TTLL5: variants seen among roughly 807,000 people sequenced by gnomAD.
TTLL5 encodes tubulin polyglutamylase TTLL5.
TTLL5 carries 132 observed loss-of-function variants against 168.4 expected under a neutral mutation model. The observed-to-expected ratio is 0.78, with a 90% confidence interval of 0.68 to 0.91. The LOEUF is 0.91. Ranked by LOEUF, TTLL5 falls within the 40% of genes least tolerant of loss-of-function variation. The pLI, the probability that TTLL5 is intolerant of heterozygous loss-of-function variation, is 0.00. For missense variants in TTLL5, 1,545 were observed against 1,581.5 expected (o/e 0.98, Z 0.39); for synonymous variants, 546 against 558.6 (o/e 0.98, Z 0.32).
At chr14:75,686,288 T>C (rs1236030224) in intron 5 of TTLL5, among the ~76,000 whole-genome samples, 3 of 152,216 alleles carry the variant, frequency 2.0e-5, no homozygotes, top group Non-Finnish European at 4.4e-5. Flanking sequence ...ATTATTACCC[T>C]GGTTTTAAGG....
At chr14:75,815,807 T>A (rs1894358232) in intron 27 of TTLL5, among the ~76,000 whole-genome samples, 1 of 152,232 alleles carries the variant, frequency 6.6e-6, no homozygotes, top group East Asian at 1.9e-4. Context: ...TTATGTGACT[T>A]TGAGCAAATT....
intron 29 of TTLL5, among the ~76,000 whole-genome samples, chr14:75,882,030 T>C (rs957519771): frequency 6.6e-6 from 1 of 152,216 alleles, no homozygotes; most frequent in Non-Finnish European, 1.5e-5. Context: ...CTAGCATTTG[T>C]ATAGTAATTT....
rs1170305101 is a variant in TTLL5, at chr14:75,697,142, A to G, written c.503-2046A>G. Among the ~76,000 whole-genome samples, 3 of 152,338 alleles carry G rather than the reference A, an allele frequency of 2.0e-5. No individual in the cohort carries two copies. The South Asian group carries it at 6.2e-4, about 32-fold the overall frequency. On this transcript the variant is annotated intron_variant, in intron 6 of 31. Coordinates refer to ENST00000298832, the MANE Select transcript of TTLL5 (RefSeq NM_015072.5). ...TAAACAGCCACACCCCTTTGCTTAC[A>G]TATTGTTTATGGCTACTTTCAAGCT...
rs757176297 is a variant in TTLL5, at chr14:75,681,594, A to G, written c.231A>G (p.Val77=). The G allele has an allele frequency of 1.2e-6, 2 of 1,613,614 alleles. No individual in the cohort carries two copies. Among genetic ancestry groups the G allele is most frequent in the South Asian group, 2.2e-5 (2 of 91,080 alleles). The stretch of plus-strand genomic sequence containing the variant: ...TTGTACGAACGGACAGTCGCCTAGT[A>G]CGCAGCATTCTGACAGCCCATGGAT... ...YKIVRTDSRL[V]RSILTAHGFH... Residue 77 remains valine (V), a synonymous_variant, in exon 4 of 32, where the codon GTA becomes GTG. Transcript: ENST00000298832.
Position 75,786,987 on chromosome 14 carries a change from G to T in TTLL5, c.2986+3457G>T, listed in dbSNP as rs148465133. ...ATCTCTACTGAAAATACAAAAATTA[G>T]CCAGGCATGGTGGCGCTGGCCTGTA... On this transcript the variant is annotated intron_variant, in intron 26 of 31. Transcript: ENST00000298832. Among the ~76,000 whole-genome samples the T allele has an allele frequency of 7.3e-4, 111 of 152,136 alleles. 1 individual carries two copies. Among genetic ancestry groups the T allele is most frequent in the African/African-American group, 2.6e-3 (109 of 41,500 alleles).
chr14:75,733,975 CTCTGT>C lies in TTLL5; in HGVS notation c.1125-7_1125-3del. The C allele has an allele frequency of 6.2e-7, 1 of 1,613,384 alleles. No homozygotes were observed. Among genetic ancestry groups the C allele is most frequent in the Admixed American group, 1.7e-5 (1 of 59,966 alleles). Reference sequence around the variant, plus strand: ...ACACTTATCAATTGCTCTTTTCTTTCTCTGTTCTGTTAGTGATGCGCCTCTGGACC... The same window carrying C: ...ACACTTATCAATTGCTCTTTTCTTTCTCTGTTAGTGATGCGCCTCTGGACC... On this transcript the variant is annotated splice_polypyrimidine_tract_variant and intron_variant, in intron 13 of 31. Coordinates refer to ENST00000298832, the MANE Select transcript of TTLL5 (RefSeq NM_015072.5).
At chr14:75,717,570 G>A (rs1887554037) in intron 9 of TTLL5, among the ~76,000 whole-genome samples, 1 of 152,104 alleles carries the variant, frequency 6.6e-6, no homozygotes, top group African/African-American at 2.4e-5. Flanking sequence ...TAAGTCCATG[G>A]GTTTTGGAGT....
intron 29 of TTLL5, among the ~76,000 whole-genome samples, chr14:75,879,935 C>T (rs1055079454): frequency 6.6e-6 from 1 of 152,148 alleles, no homozygotes; most frequent in Non-Finnish European, 1.5e-5. Context: ...GTTACTGGAA[C>T]TAGACTTCTT....
intron 25 of TTLL5, 130 bp downstream of exon 25, chr14:75,782,703 T>G (rs1892128361): frequency 1.2e-6 from 1 of 827,812 alleles, no homozygotes; most frequent in South Asian, 2.2e-5. Context: ...TCTTTTTCCT[T>G]TTCCCTTAGA....
intron 26 of TTLL5, among the ~76,000 whole-genome samples, chr14:75,783,763 C>A (rs1034926321): frequency 2.0e-5 from 3 of 152,200 alleles, no homozygotes; most frequent in African/African-American, 7.2e-5. Flanking sequence ...AGAGATGAAT[C>A]TGACAAGGCT....
At chr14:75,929,447 C>CTTTTTTT (rs370380415) in intron 31 of TTLL5, among the ~76,000 whole-genome samples, 2 of 120,844 alleles carry the variant, frequency 1.7e-5, no homozygotes, top group African/African-American at 3.1e-5. Flanking sequence ...ATAAAGATAC[C>CTTTTTTT]TTTTTTTTTT....
At chr14:75,694,373 A>G (rs565291899) in intron 6 of TTLL5, among the ~76,000 whole-genome samples, 37 of 152,294 alleles carry the variant, frequency 2.4e-4, no homozygotes, top group Middle Eastern at 3.4e-3. Context: ...GTCTTACTCT[A>G]TCGCCCAGGC....
Position 75,782,013 on chromosome 14 carries a change from T to A in TTLL5, c.2516-474T>A, listed in dbSNP as rs533367220. Among the ~76,000 whole-genome samples the A allele has an allele frequency of 2.3e-3, 345 of 147,396 alleles. 2 individuals carry two copies. The highest frequency in any genetic ancestry group is 0.012 in the South Asian group (54 of 4,578). On this transcript the variant is annotated intron_variant, in intron 24 of 31. Coordinates refer to ENST00000298832, the MANE Select transcript of TTLL5 (RefSeq NM_015072.5). ...AGTTTAAGATACAGAGCCATCGTAG[T>A]ATCCAGGTATTATGCCAAGAAATAG... is the stretch of plus-strand genomic sequence containing the variant.
intron 7 of TTLL5, among the ~76,000 whole-genome samples, chr14:75,705,195 T>A (rs1886564784): frequency 6.6e-6 from 1 of 152,196 alleles, no homozygotes; most frequent in Admixed American, 6.5e-5. Context: ...TAGGGATGAA[T>A]CAGTAATGAT....
At chr14:75,853,521 T>C (rs1896981529) in intron 28 of TTLL5, among the ~76,000 whole-genome samples, 1 of 152,228 alleles carries the variant, frequency 6.6e-6, no homozygotes, top group Non-Finnish European at 1.5e-5. Flanking sequence ...CCAATAAATG[T>C]GGATTGAATT....
intron 31 of TTLL5, among the ~76,000 whole-genome samples, chr14:75,951,529 G>A (rs1327886827): frequency 2.6e-5 from 4 of 152,110 alleles, no homozygotes; most frequent in East Asian, 1.9e-4. Flanking sequence ...GGAGGCCAGC[G>A]TGGGAGGATT....
At chr14:75,952,372 T>A (rs202177174) in intron 31 of TTLL5, among the ~76,000 whole-genome samples, 2 of 152,268 alleles carry the variant, frequency 1.3e-5, no homozygotes, top group East Asian at 1.9e-4. Flanking sequence ...AGAATGGCTG[T>A]AATGGAAAAG....
intron 26 of TTLL5, among the ~76,000 whole-genome samples, chr14:75,790,292 A>G (rs1892621813): frequency 1.3e-5 from 2 of 152,144 alleles, no homozygotes; most frequent in South Asian, 4.1e-4. Flanking sequence ...CAAAAACACA[A>G]ATCGTGTAAG....
intron 31 of TTLL5, among the ~76,000 whole-genome samples, chr14:75,932,009 A>G (rs2034292433): frequency 6.6e-6 from 1 of 152,242 alleles, no homozygotes; most frequent in Non-Finnish European, 1.5e-5. Flanking sequence ...TATAGTAGGT[A>G]TTCAATACAT....
Sources: gnomAD v4.1 joint callset for allele counts (sites outside exome capture counted in the v4.1 genomes callset) on GRCh38, gnomAD v4.1.1 for gene constraint, MANE v1.5 for transcripts, NCBI Gene and HGNC (gene_info 2026-07-23, HGNC 2026-07-21) for gene names.